Variants in SYK observed in about 807,000 individuals in gnomAD.
SYK encodes tyrosine-protein kinase SYK.
SYK carries 16 observed loss-of-function variants against 77.8 expected under a neutral mutation model. The observed-to-expected ratio is 0.21, with a 90% CI of 0.14 to 0.31. The LOEUF (loss-of-function observed/expected upper bound fraction) is 0.31. Ranked by LOEUF, SYK falls within the 10% of genes least tolerant of loss-of-function variation. SYK has a pLI of 1.00. For missense variants in SYK, 529 were observed against 814.4 expected (o/e 0.65, Z 4.26); for synonymous variants, 312 against 308.7 (o/e 1.01, Z -0.11).
Position 90,823,673 on chromosome 9 carries a change from A to C in SYK, c.-41-20185A>C, listed in dbSNP as rs547639777. ...CTATGTTTCCAAGAAGAAGTCTCCAAAATCTAAAAAAATATTTTGAAGTGC... is the reference window on the plus strand; with the variant it reads ...CTATGTTTCCAAGAAGAAGTCTCCACAATCTAAAAAAATATTTTGAAGTGC... On this transcript the variant is annotated intron_variant, in intron 1 of 13. Transcript: ENST00000375754. Among the ~76,000 whole-genome samples, 13 of 152,318 alleles carry C rather than the reference A, an allele frequency of 8.5e-5. 1 individual carries two copies. The South Asian group carries it at 2.7e-3, about 32-fold the overall frequency.
At chr9:90,841,408 AGTGT>A (rs1215858491) in intron 1 of SYK, among the ~76,000 whole-genome samples, 1 of 129,720 alleles carries the variant, frequency 7.7e-6, no homozygotes, top group Non-Finnish European at 1.6e-5. Flanking sequence ...TGACGTGTGC[AGTGT>A]GTGTAAGATG....
intron 3 of SYK, among the ~76,000 whole-genome samples, chr9:90,850,386 T>C (rs1408489460): frequency 6.6e-6 from 1 of 152,076 alleles, no homozygotes; most frequent in Non-Finnish European, 1.5e-5. Flanking sequence ...TATAGTGGTG[T>C]GTGCCTGTAG....
At chr9:90,805,675 C>A (rs1302922684) in intron 1 of SYK, among the ~76,000 whole-genome samples, 1 of 152,192 alleles carries the variant, frequency 6.6e-6, no homozygotes, top group Admixed American at 6.5e-5. Flanking sequence ...TTTATTTTCC[C>A]ATGGTCAACC....
chr9:90,895,517 T>A lies in SYK; in HGVS notation c.1836-11T>A, dbSNP rs1255176601. 6.2e-7 allele frequency: 1 copy of A among 1,613,702 alleles called. No homozygotes were observed. On this transcript the variant is annotated splice_polypyrimidine_tract_variant and intron_variant, in intron 13 of 13. Coordinates refer to ENST00000375754, the MANE Select transcript of SYK (RefSeq NM_003177.7). The surrounding 1 kb of genome is among the most constrained non-coding windows in gnomAD (Gnocchi z 4.4). ...ACATTGACAAACAAGAATGCATCTC[T>A]TCCATTCCAGTGTGGAAAACAGGCC...
Position 90,888,400 on chromosome 9 carries a change from C to G in SYK, c.1723-115C>G, listed in dbSNP as rs530490417. 5.4e-6 allele frequency: 4 copies of G among 745,984 alleles called. No individual in the cohort carries two copies. In the African/African-American group the frequency reaches 7.3e-5, roughly 14 times the overall value. 46.2% of individuals were successfully genotyped at this position (745,984 alleles called of 1,614,324 possible). The stretch of plus-strand genomic sequence containing the variant: ...ATTAAGTGCTCCTGTTTTTATACTT[C>G]GTATAATTGAAATCATACAATGTGT... On this transcript the variant is annotated intron_variant, in intron 12 of 13. Transcript: ENST00000375754.
At chr9:90,888,432 T>G (rs1362614376) in intron 12 of SYK, 83 bp from the exon 13 acceptor site, 1 of 948,332 alleles carries the variant, frequency 1.1e-6, no homozygotes, top group Non-Finnish European at 1.6e-6. Context: ...GTGTACTCCT[T>G]CATGTCTTGG....
Position 90,898,037 on chromosome 9 carries a change from G to A in SYK, c.*2437G>A, listed in dbSNP as rs202131391. ...TGGGCTGGATTCTCATACCCAGGCTGCCCCTTGGATTGTTCTACCCAAGCT... is the reference window on the plus strand; with the variant it reads ...TGGGCTGGATTCTCATACCCAGGCTACCCCTTGGATTGTTCTACCCAAGCT... On this transcript the variant is annotated 3_prime_UTR_variant, in exon 14 of 14. Transcript: ENST00000375754. 2.6e-5 allele frequency: 6 copies of A among 228,252 alleles called. No individual in the cohort carries two copies. The highest frequency in any genetic ancestry group is 5.7e-5 in the Admixed American group (1 of 17,642). The allele number at this position is 228,252 out of a possible 1,614,324, so 14.1% of individuals were successfully genotyped here.
At chr9:90,891,595 T>C (rs547346708) in intron 13 of SYK, among the ~76,000 whole-genome samples, 71 of 152,298 alleles carry the variant, frequency 4.7e-4, no homozygotes, top group African/African-American at 1.6e-3. Context: ...ATAAAAGACA[T>C]GATTTAGGAG....
intron 13 of SYK, among the ~76,000 whole-genome samples, chr9:90,888,844 G>T (rs1228250562): frequency 1.3e-5 from 2 of 152,160 alleles, no homozygotes; most frequent in African/African-American, 2.4e-5. Context: ...GTTTAGATGG[G>T]GACTCTAACC....
intron 1 of SYK, among the ~76,000 whole-genome samples, chr9:90,814,784 C>G (rs916803255): frequency 6.6e-6 from 1 of 152,020 alleles, no homozygotes; most frequent in Non-Finnish European, 1.5e-5. Flanking sequence ...CTGGCCTGGC[C>G]CTTTTCATCC....
At chr9:90,885,612 T>A (rs1442835947) in intron 11 of SYK, among the ~76,000 whole-genome samples, 1 of 152,208 alleles carries the variant, frequency 6.6e-6, no homozygotes, top group African/African-American at 2.4e-5. Context: ...GAAATCCTAT[T>A]TAATGAAATA....
chr9:90,825,938 C>T (rs1426695498), intron 1 of SYK, among the ~76,000 whole-genome samples: 2 of 152,108 alleles, frequency 1.3e-5, no homozygotes, highest in African/African-American at 4.8e-5. Flanking sequence ...CAAACTTGAG[C>T]CTTTAAAATA....
intron 7 of SYK, 58 bp downstream of exon 7, chr9:90,867,257 G>C: frequency 6.5e-7 from 1 of 1,547,416 alleles, no homozygotes; most frequent in Non-Finnish European, 8.9e-7. Flanking sequence ...CGCGCACTCA[G>C]CTCCCGCCCG....
chr9:90,895,830 T>C lies in SYK; in HGVS notation c.*230T>C. On this transcript the variant is annotated 3_prime_UTR_variant, in exon 14 of 14. Transcript: ENST00000375754. The surrounding 1 kb of genome is among the most constrained non-coding windows in gnomAD (Gnocchi z 4.4). ...GGCAGGATCCAAGGGGCTAGCTGGA[T>C]TTGTTTGTTTTCTTGTCTGTGTGAT... 1.9e-6 allele frequency: 1 copy of C among 526,070 alleles called. No individual in the cohort carries two copies. The allele number at this position is 526,070 out of a possible 1,614,324, so 32.6% of individuals were successfully genotyped here. A position where few individuals can be genotyped will look rare whatever the true frequency, so the allele number is the denominator to read the frequency against.
chr9:90,808,156 A>G (rs147099693), intron 1 of SYK, among the ~76,000 whole-genome samples: 2 of 152,156 alleles, frequency 1.3e-5, no homozygotes, highest in African/African-American at 4.8e-5. Flanking sequence ...CTGTGTTTTC[A>G]TGAAACCATC....
At chr9:90,823,304 T>G (rs1196979083) in intron 1 of SYK, among the ~76,000 whole-genome samples, 1 of 152,210 alleles carries the variant, frequency 6.6e-6, no homozygotes, top group Non-Finnish European at 1.5e-5. Flanking sequence ...AAATCCTGTC[T>G]TATAGTTAGA....
At chr9:90,820,528 C>G (rs61388775) in intron 1 of SYK, among the ~76,000 whole-genome samples, 24,505 of 152,226 alleles carry the variant, frequency 0.16, 2,297 homozygotes, top group African/African-American at 0.26. Flanking sequence ...CCCTCTGAAG[C>G]CACAGCCTGA....
Position 90,838,186 on chromosome 9 carries a change from G to A in SYK, c.-41-5672G>A, listed in dbSNP as rs556960861. Among the ~76,000 whole-genome samples, 4 of 152,310 alleles carry A rather than the reference G, an allele frequency of 2.6e-5. No individual in the cohort carries two copies. In the South Asian group the frequency reaches 8.3e-4, roughly 32 times the overall value. On this transcript the variant is annotated intron_variant, in intron 1 of 13. Transcript: ENST00000375754. ...ATGCAGATCAGGAGCTCAGTGGAGA[G>A]AAATAAATACCCATTAACCAACAAA...
chr9:90,890,479 AT>A (rs1018271014), intron 13 of SYK, among the ~76,000 whole-genome samples: 57 of 152,270 alleles, frequency 3.7e-4, no homozygotes, highest in African/African-American at 1.4e-3. Context: ...TTCTAAACGT[AT>A]TTTCCCGCCT....
Sources: gnomAD v4.1 joint callset for allele counts (sites outside exome capture counted in the v4.1 genomes callset) on GRCh38, gnomAD v4.1.1 for gene constraint, Gnocchi (gnomAD v3.1) non-coding constraint, MANE v1.5 for transcripts, NCBI Gene and HGNC (gene_info 2026-07-23, HGNC 2026-07-21) for gene names.